TBC1D22A: variants seen among roughly 807,000 people sequenced by gnomAD.
TBC1D22A encodes the protein TBC1 domain family member 22A, also known as putative GTPase activator.
A neutral mutation model predicts 60.2 loss-of-function variants in TBC1D22A; 38 were observed. That is an observed-to-expected ratio of 0.63 (90% CI 0.49 to 0.83). The LOEUF is 0.83. TBC1D22A is among the 40% of genes least tolerant of loss of function. The pLI is 0.00. For synonymous variants in TBC1D22A, 302 were observed against 281.7 expected (o/e 1.07, Z -0.72); for missense variants, 628 against 701.0 (o/e 0.90, Z 1.18).
chr22:46,822,466 CTGTT>C (rs2085873616), intron 4 of TBC1D22A, among the ~76,000 whole-genome samples: 1 of 151,968 alleles, frequency 6.6e-6, no homozygotes, highest in Admixed American at 6.6e-5. Flanking sequence ...CGCTTTCTGC[CTGTT>C]TGTTTTTCTT....
intron 12 of TBC1D22A, among the ~76,000 whole-genome samples, chr22:47,124,578 T>C (rs2066385309): frequency 1.3e-5 from 2 of 152,310 alleles, no homozygotes; most frequent in African/African-American, 4.8e-5. Flanking sequence ...AACACATGCC[T>C]GGTGTGGAGT....
intron 10 of TBC1D22A, among the ~76,000 whole-genome samples, chr22:47,010,865 TA>T (rs2061732364): frequency 6.6e-6 from 1 of 152,184 alleles, no homozygotes; most frequent in Non-Finnish European, 1.5e-5. Context: ...AAGTTTCATG[TA>T]AACCCAAAAA....
At chr22:46,774,760 C>T (rs73475005) in intron 1 of TBC1D22A, among the ~76,000 whole-genome samples, 2,491 of 152,302 alleles carry the variant, frequency 0.016, 74 homozygotes, top group African/African-American at 0.057. Context: ...TCTGGGCCCC[C>T]GACTGCATCC....
chr22:46,951,838 C>A (rs1300566434), intron 8 of TBC1D22A, among the ~76,000 whole-genome samples: 5 of 152,246 alleles, frequency 3.3e-5, no homozygotes, highest in African/African-American at 1.2e-4. Context: ...CTGATGCTTT[C>A]ATCCCTGAGC....
intron 4 of TBC1D22A, among the ~76,000 whole-genome samples, chr22:46,838,666 ATAC>A (rs1361226538): frequency 6.6e-6 from 1 of 152,252 alleles, no homozygotes; most frequent in Admixed American, 6.5e-5. Flanking sequence ...TCTCATCAAA[ATAC>A]TAGCAAACTG....
At chr22:46,850,517 CAG>C (rs1248290168) in intron 4 of TBC1D22A, among the ~76,000 whole-genome samples, 1 of 152,100 alleles carries the variant, frequency 6.6e-6, no homozygotes, top group African/African-American at 2.4e-5. Context: ...AAAAAAAAGA[CAG>C]GGATTAACAA....
chr22:47,059,746 C>G (rs897587972), intron 11 of TBC1D22A, among the ~76,000 whole-genome samples: 3 of 152,180 alleles, frequency 2.0e-5, no homozygotes, highest in African/African-American at 7.2e-5. Context: ...CATCCCTGCG[C>G]TTTCAGGTCT....
chr22:46,774,032 A>G (rs2083596940), intron 1 of TBC1D22A: 8 of 985,454 alleles, frequency 8.1e-6, no homozygotes, highest in Non-Finnish European at 9.6e-6. Context: ...CTCACTCACC[A>G]GGAATCTGAT....
chr22:47,000,565 C>G (rs1350806410), intron 10 of TBC1D22A, among the ~76,000 whole-genome samples: 2 of 152,110 alleles, frequency 1.3e-5, no homozygotes, highest in East Asian at 3.9e-4. Flanking sequence ...CGGCAGCCTT[C>G]GAGGGTGTGT....
intron 4 of TBC1D22A, among the ~76,000 whole-genome samples, chr22:46,804,548 A>T (rs4823879): frequency 0.54 from 82,533 of 152,052 alleles, 23,262 homozygotes; most frequent in Middle Eastern, 0.71. Flanking sequence ...CGAGAGCCTC[A>T]GTGAACACGC....
At chr22:46,819,822 C>T (rs2085752460) in intron 4 of TBC1D22A, among the ~76,000 whole-genome samples, 1 of 152,126 alleles carries the variant, frequency 6.6e-6, no homozygotes, top group South Asian at 2.1e-4. Flanking sequence ...GTACCAGCTC[C>T]TCTTTGTATT....
At chr22:47,019,220 C>T (rs952342523) in intron 10 of TBC1D22A, among the ~76,000 whole-genome samples, 2 of 152,338 alleles carry the variant, frequency 1.3e-5, no homozygotes, top group Admixed American at 6.5e-5. Flanking sequence ...CACTGTCCAG[C>T]GGTCCCAGCA....
At chr22:46,851,841 CAG>C (rs547121270) in intron 4 of TBC1D22A, among the ~76,000 whole-genome samples, 131 of 152,336 alleles carry the variant, frequency 8.6e-4, no homozygotes, top group African/African-American at 3.1e-3. Flanking sequence ...AGGCTCTTAA[CAG>C]GGGTGTGCTC....
chr22:46,885,093 C>A (rs567642536), intron 5 of TBC1D22A, among the ~76,000 whole-genome samples: 1 of 152,222 alleles, frequency 6.6e-6, no homozygotes, highest in African/African-American at 2.4e-5. Flanking sequence ...TCTTTGTCCA[C>A]CCACTGATGG....
chr22:46,996,116 C>G (rs902007978), intron 9 of TBC1D22A, among the ~76,000 whole-genome samples: 1 of 152,220 alleles, frequency 6.6e-6, no homozygotes, highest in Admixed American at 6.5e-5. Flanking sequence ...CCCCCACTGT[C>G]GGAAAGGCTG....
At chr22:47,088,066 C>T (rs2064771695) in intron 11 of TBC1D22A, among the ~76,000 whole-genome samples, 1 of 132,578 alleles carries the variant, frequency 7.5e-6, no homozygotes, top group South Asian at 2.7e-4. Flanking sequence ...GAGCAAGACT[C>T]CATCTCAAAT....
intron 4 of TBC1D22A, among the ~76,000 whole-genome samples, chr22:46,866,921 G>T (rs2067082482): frequency 1.3e-5 from 2 of 152,204 alleles, no homozygotes; most frequent in South Asian, 2.1e-4. Context: ...AGAACGGCAT[G>T]GATCACCAAG....
intron 10 of TBC1D22A, among the ~76,000 whole-genome samples, chr22:47,023,869 G>C (rs2062168725): frequency 6.6e-6 from 1 of 152,224 alleles, no homozygotes; most frequent in African/African-American, 2.4e-5. Flanking sequence ...AAGGAATATG[G>C]TCCTAGATGA....
chr22:46,890,802 A>G (rs574961441), intron 5 of TBC1D22A, among the ~76,000 whole-genome samples: 1 of 152,234 alleles, frequency 6.6e-6, no homozygotes, highest in South Asian at 2.1e-4. Flanking sequence ...GTACACACGT[A>G]TGTGTGTATA....
Sources: allele counts gnomAD v4.1 joint callset (sites outside exome capture counted in the v4.1 genomes callset), GRCh38; gene constraint gnomAD v4.1.1; transcripts MANE v1.5; gene names NCBI Gene and HGNC (gene_info 2026-07-23, HGNC 2026-07-21).